The following FGA variants were observed in gnomAD, a reference collection of about 807,000 sequenced individuals.
FGA encodes fibrinogen, A alpha polypeptide.
Under a neutral mutation model 20.3 loss-of-function variants are expected in FGA, and 20 were observed. That is an observed-to-expected ratio of 0.99 (90% CI 0.69 to 1.43). The LOEUF (loss-of-function observed/expected upper bound fraction) is 1.43. Among genes scored for constraint, FGA ranks in the 40% most tolerant of loss-of-function variants. The pLI, the probability that FGA is intolerant of heterozygous loss-of-function variation, is 0.00. For synonymous variants in FGA, 306 were observed against 281.6 expected (o/e 1.09, Z -0.87); for missense variants, 777 against 784.7 (o/e 0.99, Z 0.12).
downstream of FGA, chr4:154,585,245 T>TAA: frequency 2.2e-6 from 3 of 1,341,562 alleles, no homozygotes; most frequent in Non-Finnish European, 2.9e-6. Flanking sequence ...AGAATTTGAC[T>TAA]AAATAAGCTC....
Position 154,586,494 on chromosome 4 carries a change from C to G in FGA, c.935G>C (p.Ser312Thr), listed in dbSNP as rs770335622. The change falls in exon 5 of 5, where the codon AGC (serine) becomes ACC (threonine). Residue 312 changes from serine (S) to threonine (T), a missense_variant. Transcript: ENST00000403106. ...PGSTGNRNPG[S>T]SGTGGTATWK... ...GGTTGCAGTCCCTCCAGTCCCAGAG[C>G]TCCCAGGGTTTCGGTTTCCAGTACT... 6.2e-7 allele frequency: 1 copy of G among 1,613,918 alleles called. No homozygotes were observed. Among genetic ancestry groups the G allele is most frequent in the Non-Finnish European group, 8.5e-7 (1 of 1,179,996 alleles).
intron 2 of FGA, 113 bp downstream of exon 2, chr4:154,589,324 A>G: frequency 8.0e-7 from 1 of 1,251,984 alleles, no homozygotes; most frequent in Non-Finnish European, 1.2e-6. Flanking sequence ...CTATGTAGGT[A>G]ACTATTCAAT....
downstream of FGA, chr4:154,584,414 C>T (rs367614797): frequency 9.3e-6 from 15 of 1,614,056 alleles, no homozygotes; most frequent in Middle Eastern, 1.6e-4. Flanking sequence ...CCTTCCTCTA[C>T]GGAACCCTCA....
In FGA at chr4:154,589,513, C is replaced by T. The variant is rs121909607; in HGVS notation, c.104G>A (p.Arg35His). The change falls in exon 2 of 5, where the codon CGT becomes CAT. Residue 35 changes from arginine (R) to histidine (H), a missense_variant. Coordinates refer to ENST00000403106, the MANE Select transcript of FGA (RefSeq NM_021871.4). ...ATGTCTTTCCACAACCCTTGGGCCA[C>T]GCACGCCTCCTCCTTCAGCTAGAAA... ...GDFLAEGGGV[R>H]GPRVVERHQS... The T allele has an allele frequency of 2.4e-5, 38 of 1,613,864 alleles. No individual in the cohort carries two copies. The highest frequency in any genetic ancestry group is 3.3e-4 in the Middle Eastern group (2 of 6,084).
At position 154,589,581 on chromosome 4, in the gene FGA, A is replaced by G. The variant is rs1730822489; in HGVS notation, c.55-19T>C. 1 of 1,611,292 alleles carries G rather than the reference A, an allele frequency of 6.2e-7. No homozygotes were observed. The highest frequency in any genetic ancestry group is 1.1e-5 in the South Asian group (1 of 91,084). On this transcript the variant is annotated intron_variant, in intron 1 of 4. Transcript: ENST00000403106. ...CTGCAGTCTTTAAAGATTCATTCAC[A>G]TACACAAAAGAGAGCAACAGCAATG... is the stretch of plus-strand genomic sequence containing the variant.
chr4:154,584,089 A>AGTAGACAGAGTGCTCCCATTCCCACTTC, downstream of FGA: 2 of 1,369,316 alleles, frequency 1.5e-6, no homozygotes, highest in Non-Finnish European at 2.1e-6. Context: ...TCTCTAGCAA[A>AGTAGACAGAGTGCTCCCATTCCCACTTC]GAAGACAGAG....
rs1382754062 is a variant in FGA, at chr4:154,586,910, A to G, written c.519T>C (p.Ile173=). ...CTCGACAAGATCGGATCTTAATATC[A>G]ATGTCCACCTAGAGAGAGGGGAGAA... ...LVDMKRLEVD[I]DIKIRSCRGS... is the part of the protein sequence containing the mutation. Residue 173 remains isoleucine (I), a synonymous_variant, in exon 5 of 5, where the codon ATT becomes ATC. Coordinates refer to ENST00000403106, the MANE Select transcript of FGA (RefSeq NM_021871.4). 4 of 1,613,582 alleles carry G rather than the reference A, an allele frequency of 2.5e-6. No individual in the cohort carries two copies. The Admixed American group carries it at 5.0e-5, about 20-fold the overall frequency.
intron 3 of FGA, 122 bp from the exon 4 acceptor site, chr4:154,587,779 G>GAAAGAAAC: frequency 1.5e-6 from 1 of 687,120 alleles, no homozygotes. Flanking sequence ...AAGAAAGAAA[G>GAAAGAAAC]AAAGAAAGAA....
At position 154,586,599 on chromosome 4, in the gene FGA, T is replaced by C; in HGVS notation, c.830A>G (p.Tyr277Cys). 2 of 1,614,040 alleles carry C rather than the reference T, an allele frequency of 1.2e-6. No homozygotes were observed. The highest frequency in any genetic ancestry group is 4.5e-5 in the East Asian group (2 of 44,884). Residue 277 changes from tyrosine to cysteine, a missense_variant, in exon 5 of 5, where the codon TAT (tyrosine) becomes TGT (cysteine). Tyr to Cys is a radical substitution (Grantham distance 194). Coordinates refer to ENST00000403106, the MANE Select transcript of FGA (RefSeq NM_021871.4). ...GCTTTCCGTCTCTGATCCGGTTCCA[T>C]AAGAGGTGGAGCCTCCTCGAGTAAT... The part of the protein sequence containing the change: ...NEITRGGSTS[Y>C]GTGSETESPR...
At chr4:154,587,752 A>AAAG (rs1730767020) in intron 3 of FGA, 95 bp from the exon 4 acceptor site, 3 of 358,876 alleles carry the variant, frequency 8.4e-6, no homozygotes, top group Non-Finnish European at 1.6e-5. Flanking sequence ...AAGGAGAAAG[A>AAAG]AAGAAAGAAA....
rs1328562949 is a variant in FGA, at chr4:154,585,592, G to A, written c.1837C>T (p.His613Tyr). ...CTCTTGGTGCTATGTGTTCCTTCAT[G>A]ATCGGCTTCACTTCCGGCCTCATCT... The part of the protein sequence containing the change: ...MADEAGSEAD[H>Y]EGTHSTKRGH... The change falls in exon 5 of 5, where the codon CAT becomes TAT. Residue 613 changes from histidine to tyrosine, a missense_variant. His to Tyr is a moderately conservative substitution (Grantham distance 83, BLOSUM62 2). Coordinates refer to ENST00000403106, the MANE Select transcript of FGA (RefSeq NM_021871.4). The A allele has an allele frequency of 6.2e-7, 1 of 1,614,058 alleles. No homozygotes were observed. The highest frequency in any genetic ancestry group is 8.5e-7 in the Non-Finnish European group (1 of 1,180,018).
downstream of FGA, chr4:154,583,910 C>A: frequency 1.8e-6 from 1 of 569,986 alleles, no homozygotes; most frequent in South Asian, 2.1e-5. Context: ...ATGTTAAAAC[C>A]CACAGAGCTA....
intron 3 of FGA, among the ~76,000 whole-genome samples, 154 bp from the exon 4 acceptor site, chr4:154,587,811 A>G (rs1340436683): frequency 6.8e-6 from 1 of 147,404 alleles, no homozygotes; most frequent in Non-Finnish European, 1.5e-5. Context: ...AAGAGAAAAA[A>G]GAAAGAAAGA....
In FGA at chr4:154,587,500, C is replaced by A. The variant is rs1436041153; in HGVS notation, c.510+12G>T. On this transcript the variant is annotated intron_variant, in intron 4 of 4. Coordinates refer to ENST00000403106, the MANE Select transcript of FGA (RefSeq NM_021871.4). Reference sequence around the variant, plus strand: ...GAAACAAGGACATCTGGGACCACAGCCACATACTTACCTCCAGTCGTTTCA... The same window carrying A: ...GAAACAAGGACATCTGGGACCACAGACACATACTTACCTCCAGTCGTTTCA... 1.2e-6 allele frequency: 2 copies of A among 1,613,490 alleles called. No homozygotes were observed. Among genetic ancestry groups the A allele is most frequent in the South Asian group, 2.2e-5 (2 of 91,076 alleles).
Position 154,588,894 on chromosome 4 carries a change from A to T in FGA, c.263T>A (p.Leu88His), listed in dbSNP as rs77531839. 1.5e-4 allele frequency: 246 copies of T among 1,611,894 alleles called. No homozygotes were observed. The African/African-American group carries it at 2.8e-3, about 18-fold the overall frequency. The change falls in exon 3 of 5, where the codon CTC (leucine) becomes CAC (histidine). Residue 88 changes from leucine to histidine, a missense_variant. Leu to His is a moderately conservative substitution (Grantham distance 99, BLOSUM62 -3). Transcript: ENST00000403106. ...NQDFTNRINK[L>H]KNSLFEYQKN... The stretch of plus-strand genomic sequence containing the variant: ...CTGATATTCAAATAGTGAATTTTTG[A>T]GCTTATTTATTCTGTTTGTAAAATC...
At position 154,586,594 on chromosome 4, in the gene FGA, T is replaced by C; in HGVS notation, c.835A>G (p.Thr279Ala). 6.2e-7 allele frequency: 1 copy of C among 1,614,054 alleles called. No individual in the cohort carries two copies. Among genetic ancestry groups the C allele is most frequent in the Non-Finnish European group, 8.5e-7 (1 of 1,179,992 alleles). The change falls in exon 5 of 5, where the codon ACC becomes GCC. Residue 279 changes from threonine (T) to alanine (A), a missense_variant. Thr to Ala is a moderately conservative substitution (Grantham distance 58). Coordinates refer to ENST00000403106, the MANE Select transcript of FGA (RefSeq NM_021871.4). ...ITRGGSTSYG[T>A]GSETESPRNP... Reference sequence around the variant, plus strand: ...CTGGGGCTTTCCGTCTCTGATCCGGTTCCATAAGAGGTGGAGCCTCCTCGA... The same window carrying C: ...CTGGGGCTTTCCGTCTCTGATCCGGCTCCATAAGAGGTGGAGCCTCCTCGA...
At position 154,586,816 on chromosome 4, in the gene FGA, C is replaced by G. The variant is rs530543342; in HGVS notation, c.613G>C (p.Glu205Gln). Reference sequence around the variant, plus strand: ...AGTAAGTCTTTGGCAATGACCTGTTCAAGTTGCTTCTGCTGATCTTCATAG... The same window carrying G: ...AGTAAGTCTTTGGCAATGACCTGTTGAAGTTGCTTCTGCTGATCTTCATAG... ...KDYEDQQKQL[E>Q]QVIAKDLLPS... is the part of the protein sequence containing the mutation. Residue 205 changes from glutamate (E) to glutamine (Q), a missense_variant, in exon 5 of 5, where the codon GAA becomes CAA. Glu to Gln is a conservative substitution (Grantham distance 29). Coordinates refer to ENST00000403106, the MANE Select transcript of FGA (RefSeq NM_021871.4). 7 of 1,614,124 alleles carry G rather than the reference C, an allele frequency of 4.3e-6. No homozygotes were observed. Among genetic ancestry groups the G allele is most frequent in the East Asian group, 2.2e-5 (1 of 44,878 alleles).
Position 154,586,376 on chromosome 4 carries a change from G to T in FGA, c.1053C>A (p.Ser351Arg), listed in dbSNP as rs747770355. Residue 351 changes from serine (S) to arginine (R), a missense_variant, in exon 5 of 5, where the codon AGC becomes AGA. Ser to Arg is a moderately radical substitution (Grantham distance 110). Transcript: ENST00000403106. ...AGGTTCCGGTACTACCAGGTCTAGG[G>T]CTCCCAGGGTTTTGGTTTCCAGTAC... Reference protein sequence around the residue: ...TGSTGNQNPGSPRPGSTGTWN... With the variant: ...TGSTGNQNPGRPRPGSTGTWN... 1 of 1,614,174 alleles carries T rather than the reference G, an allele frequency of 6.2e-7. No individual in the cohort carries two copies. The highest frequency in any genetic ancestry group is 8.5e-7 in the Non-Finnish European group (1 of 1,180,030).
rs769893639 is a variant in FGA at position 154,586,202 on chromosome 4, G to A, written c.1227C>T (p.Asp409=). ...CTGACACCTCTTCAAATGTGCCCCA[G>A]TCTGGGTTGTTAGGCCTCGCGTTCC... ...GSGNARPNNP[D]WGTFEEVSGN... is the part of the protein sequence containing the mutation. The change falls in exon 5 of 5, where the codon GAC becomes GAT. Residue 409 remains aspartate (D), a synonymous_variant. Coordinates refer to ENST00000403106, the MANE Select transcript of FGA (RefSeq NM_021871.4). 1 of 1,614,124 alleles carries A rather than the reference G, an allele frequency of 6.2e-7. No homozygotes were observed. The highest frequency in any genetic ancestry group is 1.1e-5 in the South Asian group (1 of 91,072).
Sources: gnomAD v4.1 joint callset for allele counts (sites outside exome capture counted in the v4.1 genomes callset) on GRCh38, gnomAD v4.1.1 for gene constraint, MANE v1.5 for transcripts, NCBI Gene and HGNC (gene_info 2026-07-23, HGNC 2026-07-21) for gene names.